The following UGGT2 variants were observed in gnomAD, a reference collection of about 807,000 sequenced individuals.
UGGT2 encodes the protein UDP-glucose:glycoprotein glucosyltransferase 2.
Under a neutral mutation model 192.1 loss-of-function variants are expected in UGGT2, and 180 were observed. The observed-to-expected ratio is 0.94, with a 90% confidence interval of 0.83 to 1.06. The LOEUF (loss-of-function observed/expected upper bound fraction) is 1.06, where lower values mean the gene tolerates loss of function less well. UGGT2 is among the 50% of genes least tolerant of loss of function. The probability of loss-of-function intolerance (pLI) is 0.00; values close to 1 mark genes in which losing one functional copy is unlikely to be tolerated. For missense variants in UGGT2, 1,849 were observed against 1,795.7 expected (o/e 1.03, Z -0.54); for synonymous variants, 580 against 591.0 (o/e 0.98, Z 0.27).
rs1003469736 is a variant in UGGT2 at position 95,841,757 on chromosome 13, T to C, written c.4285-4555A>G. ...TTTTGGTTTTATAACTTAAAAACATTGCCTAATCCAAAGTCACAAAGATTT... is the reference window on the plus strand; with the variant it reads ...TTTTGGTTTTATAACTTAAAAACATCGCCTAATCCAAAGTCACAAAGATTT... On this transcript the variant is annotated intron_variant, in intron 36 of 38. Coordinates refer to ENST00000376747, the MANE Select transcript of UGGT2 (RefSeq NM_020121.4). 1.3e-5 allele frequency among the ~76,000 whole-genome samples: 2 copies of C among 152,336 alleles called. 1 individual carries two copies. The highest frequency in any genetic ancestry group is 4.1e-4 in the South Asian group (2 of 4,832).
At position 95,970,167 on chromosome 13, in the gene UGGT2, T is replaced by C. The variant is rs1346620885; in HGVS notation, c.1280A>G (p.Asn427Ser). 9 of 1,611,566 alleles carry C rather than the reference T, an allele frequency of 5.6e-6. No individual in the cohort carries two copies. Among genetic ancestry groups the C allele is most frequent in the African/African-American group, 2.7e-5 (2 of 74,870 alleles). The change falls in exon 12 of 39, where the codon AAT (asparagine) becomes AGT (serine). Residue 427 changes from asparagine to serine, a missense_variant. Coordinates refer to ENST00000376747, the MANE Select transcript of UGGT2 (RefSeq NM_020121.4). ...ATAAGTATATTCCCAAATGTGTGAA[T>C]TTAATTTTAAAAATTTGCTCATATC... is the stretch of plus-strand genomic sequence containing the variant. ...GEDMSKFLKL[N>S]SHIWEYTYVL...
intron 20 of UGGT2, among the ~76,000 whole-genome samples, chr13:95,903,965 C>G (rs1427447974): frequency 2.0e-5 from 3 of 152,168 alleles, no homozygotes; most frequent in Non-Finnish European, 4.4e-5. Context: ...ATTAACAATA[C>G]TAAACATCCT....
At chr13:95,984,485 C>T (rs557736889) in intron 9 of UGGT2, among the ~76,000 whole-genome samples, 10 of 152,212 alleles carry the variant, frequency 6.6e-5, no homozygotes, top group African/African-American at 2.4e-4. Flanking sequence ...CACACCACCA[C>T]ATCCAGCTAA....
chr13:95,945,374 C>T (rs2049829873), intron 15 of UGGT2, among the ~76,000 whole-genome samples: 3 of 151,996 alleles, frequency 2.0e-5, no homozygotes, highest in Admixed American at 2.0e-4. Context: ...CTCCTTCTCC[C>T]TCTCCTTCTA....
At chr13:95,996,678 A>G (rs1216718849) in intron 6 of UGGT2, among the ~76,000 whole-genome samples, 1 of 152,194 alleles carries the variant, frequency 6.6e-6, no homozygotes, top group Non-Finnish European at 1.5e-5. Context: ...AGTGCTTTAT[A>G]GATTAGTTAA....
In UGGT2 at chr13:95,966,437, C is replaced by G. The variant is rs565650483; in HGVS notation, c.1335+3675G>C. Among the ~76,000 whole-genome samples, 132 of 152,154 alleles carry G rather than the reference C, an allele frequency of 8.7e-4. 1 individual carries two copies. The highest frequency in any genetic ancestry group is 3.0e-3 in the African/African-American group (125 of 41,540). ...ATGAAGAGAGGTTAGTCAATAGGTACAAACAGTTATCTATACAGTTAGATA... is the reference window on the plus strand; with the variant it reads ...ATGAAGAGAGGTTAGTCAATAGGTAGAAACAGTTATCTATACAGTTAGATA... On this transcript the variant is annotated intron_variant, in intron 12 of 38. Transcript: ENST00000376747.
In UGGT2 at chr13:95,832,937, C is replaced by A; in HGVS notation, c.4518G>T (p.Lys1506Asn). 1 of 1,612,288 alleles carries A rather than the reference C, an allele frequency of 6.2e-7. No homozygotes were observed. Residue 1506 changes from lysine to asparagine, a missense_variant, in exon 38 of 39, where the codon AAG (lysine) becomes AAT (asparagine). Coordinates refer to ENST00000376747, the MANE Select transcript of UGGT2 (RefSeq NM_020121.4). ...ACGTTGATGACTTACTTGTATCTTG[C>A]TTCTTGTTTTCAAGATGATCTAATA... The part of the protein sequence containing the change: ...RQLLDHLENK[K>N]QDTILTHDEL
intron 38 of UGGT2, among the ~76,000 whole-genome samples, chr13:95,831,842 C>T (rs1886729041): frequency 6.6e-6 from 1 of 151,842 alleles, no homozygotes; most frequent in South Asian, 2.1e-4. Context: ...TTTCTTCCTT[C>T]TTCCTGCTTT....
intron 29 of UGGT2, among the ~76,000 whole-genome samples, chr13:95,870,663 G>A (rs758033677): frequency 2.0e-5 from 3 of 152,128 alleles, no homozygotes; most frequent in African/African-American, 4.8e-5. Flanking sequence ...AGCTTGCTCC[G>A]CCAGTCCTTC....
intron 5 of UGGT2, among the ~76,000 whole-genome samples, chr13:96,000,623 G>T (rs1043311934): frequency 6.6e-6 from 1 of 152,088 alleles, no homozygotes; most frequent in Non-Finnish European, 1.5e-5. Context: ...ATCAGTTGGT[G>T]GCTAAGTGAA....
At chr13:95,859,555 A>T in intron 33 of UGGT2, 36 bp downstream of exon 33, 1 of 1,455,208 alleles carries the variant, frequency 6.9e-7, no homozygotes, top group Middle Eastern at 1.8e-4. Context: ...TACTATTCAA[A>T]CATTAACCAT....
chr13:95,855,105 GT>G (rs1456858202), intron 34 of UGGT2, among the ~76,000 whole-genome samples: 3 of 72,600 alleles, frequency 4.1e-5, no homozygotes, highest in African/African-American at 5.9e-5. Flanking sequence ...GACCCTGTCT[GT>G]AAAAAAAAAA....
intron 12 of UGGT2, among the ~76,000 whole-genome samples, chr13:95,959,251 T>G (rs1167975112): frequency 6.6e-6 from 1 of 152,120 alleles, no homozygotes; most frequent in Non-Finnish European, 1.5e-5. Flanking sequence ...AAACTGTGTG[T>G]GTGTGTTTTG....
intron 7 of UGGT2, chr13:95,990,710 C>A (rs1392162041): frequency 6.6e-6 from 1 of 152,064 alleles, no homozygotes; most frequent in Non-Finnish European, 1.5e-5. Flanking sequence ...ACTATCAGCA[C>A]AACTTACAAA....
intron 10 of UGGT2, among the ~76,000 whole-genome samples, chr13:95,975,522 G>A (rs1455729139): frequency 6.6e-6 from 1 of 152,118 alleles, no homozygotes; most frequent in African/African-American, 2.4e-5. Context: ...TTAGATTTTT[G>A]TATTTAAAGT....
intron 1 of UGGT2, among the ~76,000 whole-genome samples, chr13:96,041,766 G>C (rs2053171378): frequency 6.6e-6 from 1 of 152,062 alleles, no homozygotes; most frequent in African/African-American, 2.4e-5. Flanking sequence ...CCACTTCCCT[G>C]ACAACCTGCA....
Position 95,801,832 on chromosome 13 carries a change from A to G in UGGT2, c.4529-20T>C. 1 of 1,613,548 alleles carries G rather than the reference A, an allele frequency of 6.2e-7. No homozygotes were observed. The highest frequency in any genetic ancestry group is 8.5e-7 in the Non-Finnish European group (1 of 1,179,648). ...TCAAAACTATAAGGGAGAAAAGTTT[A>G]TTTAGCTTCTGGCATCTTAAACATA... On this transcript the variant is annotated intron_variant, in intron 38 of 38. Coordinates refer to ENST00000376747, the MANE Select transcript of UGGT2 (RefSeq NM_020121.4).
chr13:95,860,500 A>G (rs1194518773), intron 32 of UGGT2, among the ~76,000 whole-genome samples: 2 of 150,288 alleles, frequency 1.3e-5, no homozygotes, highest in East Asian at 1.9e-4. Flanking sequence ...AAAAAAAAAA[A>G]GCAAGGTGTA....
chr13:95,833,063 T>C lies in UGGT2; in HGVS notation c.4402-10A>G. 1 of 1,610,182 alleles carries C rather than the reference T, an allele frequency of 6.2e-7. No individual in the cohort carries two copies. On this transcript the variant is annotated splice_polypyrimidine_tract_variant and intron_variant, in intron 37 of 38. Transcript: ENST00000376747. The stretch of plus-strand genomic sequence containing the variant: ...TTTTGGGATTATTGCACTAAAAGTT[T>C]AAGTAAATTTTGTTAATGAAAGACC...
Sources: gnomAD v4.1 joint callset for allele counts (sites outside exome capture counted in the v4.1 genomes callset) on GRCh38, gnomAD v4.1.1 for gene constraint, MANE v1.5 for transcripts, NCBI Gene and HGNC (gene_info 2026-07-23, HGNC 2026-07-21) for gene names.